MNAT1: variants seen among roughly 807,000 people sequenced by gnomAD.
MNAT1 encodes MNAT1 component of CDK activating kinase.
MNAT1 carries 43 observed loss-of-function variants against 42.0 expected under a neutral mutation model. The ratio of observed to expected loss-of-function variants is 1.02; its 90% CI spans 0.80 to 1.32. The LOEUF (loss-of-function observed/expected upper bound fraction) is 1.32. MNAT1 is among the 40% of genes most tolerant of loss of function. MNAT1 has a pLI of 0.00. For synonymous variants in MNAT1, 118 were observed against 120.0 expected (o/e 0.98, Z 0.11); for missense variants, 306 against 350.4 (o/e 0.87, Z 1.01).
chr14:60,745,150 T>C (rs2284704), intron 1 of MNAT1, among the ~76,000 whole-genome samples: 30,141 of 152,190 alleles, frequency 0.2, 3,590 homozygotes, highest in Middle Eastern at 0.28. Context: ...GGGCCATGGT[T>C]ATGGCAATTG....
At chr14:60,856,687 T>C (rs2033966555) in intron 6 of MNAT1, among the ~76,000 whole-genome samples, 1 of 151,368 alleles carries the variant, frequency 6.6e-6, no homozygotes, top group Non-Finnish European at 1.5e-5. Flanking sequence ...CATTCGCTTT[T>C]TTTTTTTTTT....
At chr14:60,891,403 G>T (rs1012615492) in intron 7 of MNAT1, among the ~76,000 whole-genome samples, 1 of 148,978 alleles carries the variant, frequency 6.7e-6, no homozygotes, top group Non-Finnish European at 1.5e-5. Flanking sequence ...TCTCTTTCTA[G>T]TTCCTTAAGT....
chr14:60,938,470 CTCTA>C lies in MNAT1; in HGVS notation c.810-29757_810-29754del, dbSNP rs1440730670. ...GAGTTTTGTCAAAGGCCTTTTCTGC[CTCTA>C]TTGAGATAATCATGTGTTTTTTGTC... On this transcript the variant is annotated intron_variant, in intron 7 of 7. Coordinates refer to ENST00000261245, the MANE Select transcript of MNAT1 (RefSeq NM_002431.4). Among the ~76,000 whole-genome samples, 3 of 152,046 alleles carry C rather than the reference CTCTA, an allele frequency of 2.0e-5. No individual in the cohort carries two copies. The East Asian group carries it at 5.8e-4, about 29-fold the overall frequency.
intron 7 of MNAT1, among the ~76,000 whole-genome samples, chr14:60,926,756 T>C (rs1777895036): frequency 1.3e-5 from 2 of 152,134 alleles, no homozygotes; most frequent in South Asian, 4.1e-4. Context: ...CTGTTGATTA[T>C]ATCATTGGCC....
intron 1 of MNAT1, among the ~76,000 whole-genome samples, chr14:60,763,030 A>G (rs1040727071): frequency 2.0e-5 from 3 of 152,196 alleles, no homozygotes; most frequent in African/African-American, 4.8e-5. Context: ...ATTTTAATAG[A>G]TAAAAGAATA....
intron 7 of MNAT1, among the ~76,000 whole-genome samples, chr14:60,900,277 G>C (rs1250838711): frequency 6.6e-6 from 1 of 152,178 alleles, no homozygotes; most frequent in Non-Finnish European, 1.5e-5. Flanking sequence ...TAGACCTCTT[G>C]TGCCAAACAG....
chr14:60,925,232 G>A (rs977342712), intron 7 of MNAT1, among the ~76,000 whole-genome samples: 5 of 152,120 alleles, frequency 3.3e-5, no homozygotes, highest in African/African-American at 1.2e-4. Flanking sequence ...TATGCTCCCT[G>A]GTGTCCAGGG....
At chr14:60,750,496 C>T (rs1330918158) in intron 1 of MNAT1, among the ~76,000 whole-genome samples, 3 of 141,102 alleles carry the variant, frequency 2.1e-5, no homozygotes, top group South Asian at 2.2e-4. Flanking sequence ...TCCCAAAGTG[C>T]TGGGATTACA....
chr14:60,757,447 A>G (rs977232280), intron 1 of MNAT1, among the ~76,000 whole-genome samples: 1 of 152,136 alleles, frequency 6.6e-6, no homozygotes, highest in Admixed American at 6.5e-5. Flanking sequence ...CTGGTCATCA[A>G]TTGAGACACT....
intron 1 of MNAT1, among the ~76,000 whole-genome samples, chr14:60,755,103 AC>A (rs1204706743): frequency 6.6e-6 from 1 of 151,904 alleles, no homozygotes; most frequent in Non-Finnish European, 1.5e-5. Flanking sequence ...GGGCTCAGGA[AC>A]CCTTCTGCCT....
intron 6 of MNAT1, among the ~76,000 whole-genome samples, chr14:60,828,312 TA>T (rs772115117): frequency 6.5e-4 from 99 of 152,304 alleles, no homozygotes; most frequent in South Asian, 2.7e-3. Context: ...TGGCTCGTTG[TA>T]AAGATACTAA....
intron 7 of MNAT1, among the ~76,000 whole-genome samples, chr14:60,913,252 C>T (rs2035425284): frequency 6.6e-6 from 1 of 151,926 alleles, no homozygotes. Flanking sequence ...AAGTTTTTAA[C>T]TTCTTTGCAA....
intron 7 of MNAT1, among the ~76,000 whole-genome samples, chr14:60,905,900 A>G (rs557125146): frequency 1.3e-5 from 2 of 152,294 alleles, no homozygotes; most frequent in East Asian, 1.9e-4. Context: ...CCCAGAAATA[A>G]TGTTTTACCA....
intron 6 of MNAT1, among the ~76,000 whole-genome samples, chr14:60,823,318 T>G (rs2032953339): frequency 6.6e-6 from 1 of 152,060 alleles, no homozygotes; most frequent in Non-Finnish European, 1.5e-5. Context: ...TACTTTTGAG[T>G]GGGGATTGGG....
At chr14:60,882,624 G>A (rs1241155408) in intron 7 of MNAT1, among the ~76,000 whole-genome samples, 1 of 152,086 alleles carries the variant, frequency 6.6e-6, no homozygotes, top group Non-Finnish European at 1.5e-5. Context: ...GGATCATATA[G>A]TAGCTCTATT....
intron 7 of MNAT1, among the ~76,000 whole-genome samples, chr14:60,922,159 A>G (rs1054962311): frequency 6.6e-6 from 1 of 152,180 alleles, no homozygotes; most frequent in African/African-American, 2.4e-5. Flanking sequence ...CTAAATTTTA[A>G]ACACTCCTGT....
At chr14:60,872,923 C>A (rs1481070022) in intron 6 of MNAT1, among the ~76,000 whole-genome samples, 1 of 151,686 alleles carries the variant, frequency 6.6e-6, no homozygotes, top group African/African-American at 2.4e-5. Context: ...ATTACAATTT[C>A]CATGAAATTT....
chr14:60,777,235 G>A (rs1281443772), intron 1 of MNAT1, among the ~76,000 whole-genome samples: 1 of 152,140 alleles, frequency 6.6e-6, no homozygotes, highest in Non-Finnish European at 1.5e-5. Flanking sequence ...AGCTCTCTAG[G>A]TAAGGTATGT....
intron 1 of MNAT1, among the ~76,000 whole-genome samples, chr14:60,778,241 A>G (rs1198422539): frequency 1.6e-4 from 24 of 152,178 alleles, no homozygotes; most frequent in Admixed American, 1.6e-3. Flanking sequence ...GGAGGGGTGT[A>G]TGAGACTCAG....
Sources: allele counts gnomAD v4.1 joint callset (sites outside exome capture counted in the v4.1 genomes callset), GRCh38; gene constraint gnomAD v4.1.1; transcripts MANE v1.5; gene names NCBI Gene and HGNC (gene_info 2026-07-23, HGNC 2026-07-21).